DLG2: variants seen among roughly 807,000 people sequenced by gnomAD.
DLG2 encodes discs large MAGUK scaffold protein 2, also known as disks large homolog 2.
Under a neutral mutation model 132.5 loss-of-function variants are expected in DLG2, and 45 were observed. The ratio of observed to expected loss-of-function variants is 0.34; its 90% CI spans 0.27 to 0.44. DLG2 has a LOEUF of 0.44. Ranked by LOEUF, DLG2 falls within the 20% of genes least tolerant of loss-of-function variation. DLG2 has a pLI of 1.00. For synonymous variants in DLG2, 424 were observed against 419.6 expected (o/e 1.01, Z -0.13); for missense variants, 1,045 against 1,196.9 (o/e 0.87, Z 1.87).
intron 7 of DLG2, among the ~76,000 whole-genome samples, chr11:84,505,071 C>T (rs1462738238): frequency 6.6e-6 from 1 of 152,090 alleles, no homozygotes. Context: ...GAACTAGCTT[C>T]GTTGGTGCCT....
intron 6 of DLG2, among the ~76,000 whole-genome samples, chr11:84,889,343 G>A (rs892158098): frequency 1.3e-5 from 2 of 152,090 alleles, no homozygotes; most frequent in Non-Finnish European, 2.9e-5. Context: ...ATCTCTGAAG[G>A]CTTCATGGTG....
chr11:84,778,796 G>C (rs558836708), intron 6 of DLG2, among the ~76,000 whole-genome samples: 4 of 152,240 alleles, frequency 2.6e-5, no homozygotes, highest in Admixed American at 2.6e-4. Context: ...CCCTCAAGAA[G>C]ACCCACTCCC....
chr11:85,467,927 A>T (rs1200666270), intron 3 of DLG2, among the ~76,000 whole-genome samples: 3 of 152,150 alleles, frequency 2.0e-5, no homozygotes, highest in African/African-American at 7.2e-5. Flanking sequence ...CCAGCTGTGA[A>T]TCCATCTGGT....
intron 6 of DLG2, among the ~76,000 whole-genome samples, chr11:84,743,963 A>T (rs574756475): frequency 1.1e-3 from 172 of 152,134 alleles, no homozygotes; most frequent in African/African-American, 4.0e-3. Context: ...TGACCTCGTG[A>T]TCCACCTGTC....
chr11:85,496,802 C>G (rs1453429457), intron 3 of DLG2, among the ~76,000 whole-genome samples: 3 of 152,146 alleles, frequency 2.0e-5, no homozygotes, highest in African/African-American at 4.8e-5. Flanking sequence ...GAGCAGACCT[C>G]CATCAAACTC....
Position 84,098,914 on chromosome 11 carries a change from G to GATCTTT in DLG2, c.749+3_749+8dup. 1 of 1,611,828 alleles carries GATCTTT rather than the reference G, an allele frequency of 6.2e-7. No individual in the cohort carries two copies. Among genetic ancestry groups the GATCTTT allele is most frequent in the Non-Finnish European group, 8.5e-7 (1 of 1,179,084 alleles). ...CTTTCAAAATCATTCTAATGTTTCA[G>GATCTTT]ATCTTTACCTGAGTCTGCCATCCTC... On this transcript the variant is annotated intron_variant, in intron 10 of 27. Coordinates refer to ENST00000376104, the MANE Select transcript of DLG2 (RefSeq NM_001142699.3).
intron 18 of DLG2, among the ~76,000 whole-genome samples, chr11:83,764,527 CTCTA>C (rs1489035172): frequency 6.6e-6 from 1 of 152,162 alleles, no homozygotes; most frequent in Non-Finnish European, 1.5e-5. Context: ...ATGGGAGTTA[CTCTA>C]TCTTTCTGCC....
At chr11:85,431,648 G>C (rs936311373) in intron 3 of DLG2, among the ~76,000 whole-genome samples, 8 of 152,242 alleles carry the variant, frequency 5.3e-5, no homozygotes, top group African/African-American at 1.9e-4. Flanking sequence ...CAGGGGCTCA[G>C]GGACCAAACT....
Position 85,021,306 on chromosome 11 carries a change from C to A in DLG2, c.357+90355G>T, listed in dbSNP as rs2060045433. On this transcript the variant is annotated intron_variant, in intron 6 of 27. Coordinates refer to ENST00000376104, the MANE Select transcript of DLG2 (RefSeq NM_001142699.3). ...TGTACATCCTATCATAATAATCCCACTGAAAGTCATAGTCTAAGTCGAAAG... is the reference window on the plus strand; with the variant it reads ...TGTACATCCTATCATAATAATCCCAATGAAAGTCATAGTCTAAGTCGAAAG... 6.6e-5 allele frequency: 83 copies of A among 1,259,928 alleles called. 2 individuals are homozygous for A. In the South Asian group the frequency reaches 9.4e-4, roughly 14 times the overall value. 78.0% of individuals were successfully genotyped at this position (1,259,928 alleles called of 1,614,324 possible). A position where few individuals can be genotyped will look rare whatever the true frequency, so the allele number is the denominator to read the frequency against.
At chr11:83,543,353 G>A (rs2096138836) in intron 19 of DLG2, among the ~76,000 whole-genome samples, 1 of 152,130 alleles carries the variant, frequency 6.6e-6, no homozygotes, top group South Asian at 2.1e-4. Context: ...TGAGCCACAG[G>A]TTTTTTGATG....
chr11:85,469,438 G>T (rs2092913384), intron 3 of DLG2: 2 of 152,206 alleles, frequency 1.3e-5, no homozygotes, highest in African/African-American at 4.8e-5. Context: ...AACAAAAAAG[G>T]ATCTAATGGG....
chr11:84,700,075 A>T (rs2059055442), intron 6 of DLG2, among the ~76,000 whole-genome samples: 1 of 151,690 alleles, frequency 6.6e-6, no homozygotes, highest in African/African-American at 2.4e-5. Context: ...CTTATATATA[A>T]TAGGTAGTTA....
At chr11:85,131,232 G>A (rs1242755223) in intron 5 of DLG2, among the ~76,000 whole-genome samples, 1 of 152,028 alleles carries the variant, frequency 6.6e-6, no homozygotes, top group East Asian at 1.9e-4. Flanking sequence ...TTGGATTTCG[G>A]TATTGATTTA....
At chr11:84,919,119 A>C (rs1412181185) in intron 6 of DLG2, among the ~76,000 whole-genome samples, 1 of 152,078 alleles carries the variant, frequency 6.6e-6, no homozygotes, top group Non-Finnish European at 1.5e-5. Context: ...TTCTAATGTG[A>C]TTCTTATTGA....
intron 6 of DLG2, among the ~76,000 whole-genome samples, chr11:84,644,075 T>C (rs774082381): frequency 1.3e-5 from 2 of 152,146 alleles, no homozygotes; most frequent in Non-Finnish European, 2.9e-5. Context: ...TCTAAATGTT[T>C]ATTTTTTGCT....
chr11:83,875,547 C>A (rs1466384243), intron 15 of DLG2, among the ~76,000 whole-genome samples: 1 of 151,986 alleles, frequency 6.6e-6, no homozygotes, highest in African/African-American at 2.4e-5. Flanking sequence ...TTAGAATATT[C>A]TTTAGAAAGA....
intron 3 of DLG2, among the ~76,000 whole-genome samples, chr11:85,400,700 C>T (rs1479715598): frequency 6.7e-6 from 1 of 149,340 alleles, no homozygotes; most frequent in Non-Finnish European, 1.5e-5. Context: ...CCAAACACCG[C>T]ATGTTCTCAC....
intron 6 of DLG2, among the ~76,000 whole-genome samples, chr11:84,869,167 G>A (rs1473572294): frequency 2.0e-5 from 3 of 152,104 alleles, no homozygotes; most frequent in Admixed American, 1.3e-4. Context: ...CACATCATAC[G>A]GAATTGAACA....
At chr11:84,888,411 C>T (rs2088719003) in intron 6 of DLG2, among the ~76,000 whole-genome samples, 1 of 152,038 alleles carries the variant, frequency 6.6e-6, no homozygotes. Context: ...TGTTCTTGGT[C>T]CTTTGGACTC....
Sources: gnomAD v4.1 joint callset for allele counts (sites outside exome capture counted in the v4.1 genomes callset) on GRCh38, gnomAD v4.1.1 for gene constraint, MANE v1.5 for transcripts, NCBI Gene and HGNC (gene_info 2026-07-23, HGNC 2026-07-21) for gene names.